Variants in TSPAN5 observed in about 807,000 individuals in gnomAD.
TSPAN5 encodes tetraspanin-5.
A neutral mutation model predicts 37.1 loss-of-function variants in TSPAN5; 10 were observed. That is an observed-to-expected ratio of 0.27 (90% CI 0.17 to 0.46). TSPAN5 has a LOEUF of 0.46. Ranked by LOEUF, TSPAN5 falls within the 20% of genes least tolerant of loss-of-function variation. The pLI is 1.00. For synonymous variants in TSPAN5, 110 were observed against 118.9 expected (o/e 0.93, Z 0.48); for missense variants, 195 against 326.6 (o/e 0.60, Z 3.11).
chr4:98,482,369 A>G lies in TSPAN5; in HGVS notation c.280-194T>C, dbSNP rs1578935214. On this transcript the variant is annotated intron_variant, in intron 3 of 7. Coordinates refer to ENST00000305798, the MANE Select transcript of TSPAN5 (RefSeq NM_005723.4). ...AGAAAGGACTTTTAAAAATCATTTT[A>G]TAATCACATTTTAGGGTCTCTAGTG... 3 of 501,356 alleles carry G rather than the reference A, an allele frequency of 6.0e-6. No individual in the cohort carries two copies. The East Asian group carries it at 1.0e-4, about 17-fold the overall frequency. The allele number at this position is 501,356 out of a possible 1,614,324, so 31.1% of individuals were successfully genotyped here.
At chr4:98,519,463 A>C (rs2110115210) in intron 1 of TSPAN5, among the ~76,000 whole-genome samples, 1 of 152,284 alleles carries the variant, frequency 6.6e-6, no homozygotes, top group Non-Finnish European at 1.5e-5. Context: ...ACGTCACTGC[A>C]TTCTAGCCTG....
chr4:98,534,694 G>C (rs1754192469), intron 1 of TSPAN5, among the ~76,000 whole-genome samples: 1 of 152,170 alleles, frequency 6.6e-6, no homozygotes, highest in Admixed American at 6.5e-5. Context: ...ATGAATCTGG[G>C]TGCTCCTGTA....
rs138920935 is a variant in TSPAN5 at position 98,563,987 on chromosome 4, C to CATA, written c.82-56262_82-56260dup. Among the ~76,000 whole-genome samples the CATA allele has an allele frequency of 6.2e-3, 944 of 152,310 alleles. 20 individuals are homozygous for CATA. Among genetic ancestry groups the CATA allele is most frequent in the African/African-American group, 0.021 (884 of 41,564 alleles). On this transcript the variant is annotated intron_variant, in intron 1 of 7. Coordinates refer to ENST00000305798, the MANE Select transcript of TSPAN5 (RefSeq NM_005723.4). ...GAGGCTGAGAAAATCTGTGCTAAAT[C>CATA]ATAAGCTCCTTGAGGCCTAGAACCA...
chr4:98,595,695 C>T (rs1755747030), intron 1 of TSPAN5, among the ~76,000 whole-genome samples: 1 of 123,408 alleles, frequency 8.1e-6, no homozygotes, highest in Non-Finnish European at 1.6e-5. Flanking sequence ...CGTTATGTAC[C>T]CAGTAGTCAT....
chr4:98,474,545 G>T (rs1301722777), intron 7 of TSPAN5, among the ~76,000 whole-genome samples: 3 of 151,982 alleles, frequency 2.0e-5, no homozygotes, highest in African/African-American at 7.3e-5. Context: ...ACAGGGTTTT[G>T]TCATGTTGCC....
At chr4:98,572,339 G>C (rs1256953977) in intron 1 of TSPAN5, among the ~76,000 whole-genome samples, 1 of 152,144 alleles carries the variant, frequency 6.6e-6, no homozygotes, top group Non-Finnish European at 1.5e-5. Context: ...TACAAACAGG[G>C]AGAACAAAGC....
intron 1 of TSPAN5, among the ~76,000 whole-genome samples, chr4:98,642,777 C>T (rs769886246): frequency 1.3e-5 from 2 of 151,734 alleles, no homozygotes; most frequent in Non-Finnish European, 2.9e-5. Flanking sequence ...TTTTTGTCTT[C>T]ATTTTTAACA....
At chr4:98,500,775 A>T (rs1753329264) in intron 2 of TSPAN5, among the ~76,000 whole-genome samples, 1 of 152,182 alleles carries the variant, frequency 6.6e-6, no homozygotes. Context: ...GCTTCTGGGC[A>T]TCCATTGTGT....
intron 1 of TSPAN5, among the ~76,000 whole-genome samples, chr4:98,507,968 A>C (rs1344800039): frequency 1.3e-5 from 2 of 152,206 alleles, no homozygotes; most frequent in Non-Finnish European, 2.9e-5. Flanking sequence ...GAAGAGTAAT[A>C]ATTAGGTAGA....
chr4:98,556,269 T>C (rs1229953233), intron 1 of TSPAN5, among the ~76,000 whole-genome samples: 1 of 152,182 alleles, frequency 6.6e-6, no homozygotes, highest in South Asian at 2.1e-4. Context: ...CATGCTTTCC[T>C]GTCTCAGGAA....
chr4:98,492,484 T>A (rs1753105299), intron 2 of TSPAN5, among the ~76,000 whole-genome samples: 1 of 152,180 alleles, frequency 6.6e-6, no homozygotes, highest in South Asian at 2.1e-4. Flanking sequence ...TGGGTCTTCA[T>A]TTGCATCTGC....
intron 1 of TSPAN5, among the ~76,000 whole-genome samples, chr4:98,568,795 A>G (rs1755060965): frequency 6.6e-6 from 1 of 152,262 alleles, no homozygotes; most frequent in Non-Finnish European, 1.5e-5. Flanking sequence ...AAACAGCTCC[A>G]AGCCCTAAAG....
intron 1 of TSPAN5, among the ~76,000 whole-genome samples, chr4:98,617,026 T>C (rs1010531260): frequency 6.6e-6 from 1 of 152,106 alleles, no homozygotes; most frequent in African/African-American, 2.4e-5. Flanking sequence ...GGTTTCACCA[T>C]GTTGCCCAGT....
At position 98,516,853 on chromosome 4, in the gene TSPAN5, G is replaced by A. The variant is rs140208341; in HGVS notation, c.82-9125C>T. On this transcript the variant is annotated intron_variant, in intron 1 of 7. Coordinates refer to ENST00000305798, the MANE Select transcript of TSPAN5 (RefSeq NM_005723.4). ...TTAAGTGAGATTCCTTCTCCTGTTT[G>A]ATCCCTCTTTGCACGTGTCTGTCTC... Among the ~76,000 whole-genome samples the A allele has an allele frequency of 3.8e-3, 580 of 151,418 alleles. 3 individuals are homozygous for A. Among genetic ancestry groups the A allele is most frequent in the African/African-American group, 0.013 (544 of 40,728 alleles).
rs192608162 is a variant in TSPAN5 at position 98,515,908 on chromosome 4, T to C, written c.82-8180A>G. Among the ~76,000 whole-genome samples, 116 of 152,326 alleles carry C rather than the reference T, an allele frequency of 7.6e-4. 1 individual carries two copies. The highest frequency in any genetic ancestry group is 1.2e-3 in the East Asian group (6 of 5,190). Reference sequence around the variant, plus strand: ...TTCTGGATGACTAGCCCCAGAACTTTTAAATCCACTAATTTTGATTAATTT... The same window carrying C: ...TTCTGGATGACTAGCCCCAGAACTTCTAAATCCACTAATTTTGATTAATTT... On this transcript the variant is annotated intron_variant, in intron 1 of 7. Coordinates refer to ENST00000305798, the MANE Select transcript of TSPAN5 (RefSeq NM_005723.4).
Position 98,658,285 on chromosome 4 carries a change from G to T in TSPAN5, c.-59C>A. On this transcript the variant is annotated 5_prime_UTR_variant, in exon 1 of 8. Coordinates refer to ENST00000305798, the MANE Select transcript of TSPAN5 (RefSeq NM_005723.4). ...CCCGAGTTTGGAGCTCCGAAGCACC[G>T]TTGCTCGGAGCAGCCCGGCGGGGAG... 1 of 1,408,714 alleles carries T rather than the reference G, an allele frequency of 7.1e-7. No individual in the cohort carries two copies. The highest frequency in any genetic ancestry group is 1.4e-5 in the African/African-American group (1 of 70,958). The allele number at this position is 1,408,714 out of a possible 1,614,324, so 87.3% of individuals were successfully genotyped here. A position where few individuals can be genotyped will look rare whatever the true frequency, so the allele number is the denominator to read the frequency against.
At chr4:98,594,006 T>C (rs1202672478) in intron 1 of TSPAN5, among the ~76,000 whole-genome samples, 3 of 74,656 alleles carry the variant, frequency 4.0e-5, no homozygotes, top group African/African-American at 1.8e-4. Context: ...GGGGATGGCA[T>C]TGAATCTGTA....
intron 1 of TSPAN5, among the ~76,000 whole-genome samples, chr4:98,584,500 G>A (rs140361532): frequency 5.9e-5 from 9 of 152,260 alleles, no homozygotes; most frequent in South Asian, 2.1e-4. Context: ...GAGTCAGCAG[G>A]TAAGAAAACA....
chr4:98,599,521 C>G (rs79072993), intron 1 of TSPAN5, among the ~76,000 whole-genome samples: 2,654 of 152,226 alleles, frequency 0.017, 72 homozygotes, highest in African/African-American at 0.059. Context: ...TGCATCCAAC[C>G]ATGTAACCAT....
Sources: allele counts gnomAD v4.1 joint callset (sites outside exome capture counted in the v4.1 genomes callset), GRCh38; gene constraint gnomAD v4.1.1; transcripts MANE v1.5; gene names NCBI Gene and HGNC (gene_info 2026-07-23, HGNC 2026-07-21).